NTRK3: variants seen among roughly 807,000 people sequenced by gnomAD.
The protein encoded by NTRK3 is neurotrophic receptor tyrosine kinase 3, also known as NT-3 growth factor receptor.
Under a neutral mutation model 91.7 loss-of-function variants are expected in NTRK3, and 24 were observed. That is an observed-to-expected ratio of 0.26 (90% CI 0.19 to 0.37). NTRK3 has a LOEUF of 0.37. NTRK3 is among the 10% of genes least tolerant of loss of function. The probability of loss-of-function intolerance (pLI) is 1.00; values close to 1 mark genes in which losing one functional copy is unlikely to be tolerated. For missense variants in NTRK3, 880 were observed against 1,068.9 expected (o/e 0.82, Z 2.46); for synonymous variants, 483 against 404.0 (o/e 1.20, Z -2.34).
At chr15:88,171,862 T>C (rs1034859494) in intron 5 of NTRK3, among the ~76,000 whole-genome samples, 1 of 152,266 alleles carries the variant, frequency 6.6e-6, no homozygotes, top group Non-Finnish European at 1.5e-5. Context: ...ATACAAATTT[T>C]ACATTGAGAA....
intron 13 of NTRK3, among the ~76,000 whole-genome samples, chr15:88,052,555 G>A (rs1260151297): frequency 6.6e-6 from 1 of 152,230 alleles, no homozygotes; most frequent in Non-Finnish European, 1.5e-5. Context: ...CCACATCCAA[G>A]AGTGGAGTCT....
intron 13 of NTRK3, among the ~76,000 whole-genome samples, chr15:88,100,445 G>T (rs1287458481): frequency 6.6e-6 from 1 of 152,170 alleles, no homozygotes; most frequent in East Asian, 1.9e-4. Flanking sequence ...TCCCAGTAGT[G>T]AGCTGGTAAA....
intron 3 of NTRK3, among the ~76,000 whole-genome samples, chr15:88,201,069 C>T (rs2048263604): frequency 1.3e-5 from 2 of 152,152 alleles, no homozygotes; most frequent in African/African-American, 2.4e-5. Flanking sequence ...CTGTCTACGC[C>T]GCATTATTAA....
intron 13 of NTRK3, among the ~76,000 whole-genome samples, chr15:88,051,121 T>C (rs1179347935): frequency 6.6e-6 from 1 of 152,192 alleles, no homozygotes; most frequent in Non-Finnish European, 1.5e-5. Context: ...TGAGTAAAAG[T>C]ACACGTCTGC....
At chr15:88,184,951 A>G (rs2151626442) in intron 3 of NTRK3, among the ~76,000 whole-genome samples, 1 of 152,346 alleles carries the variant, frequency 6.6e-6, no homozygotes, top group African/African-American at 2.4e-5. Flanking sequence ...TGTCATGGAA[A>G]GAATGGGAAC....
At chr15:88,104,549 C>T (rs1007344671) in intron 13 of NTRK3, among the ~76,000 whole-genome samples, 10 of 152,194 alleles carry the variant, frequency 6.6e-5, no homozygotes, top group Non-Finnish European at 1.2e-4. Flanking sequence ...TTGCCCTTGA[C>T]AGCCTCATGA....
intron 18 of NTRK3, among the ~76,000 whole-genome samples, chr15:87,879,873 G>C (rs539589965): frequency 6.6e-6 from 1 of 152,196 alleles, no homozygotes; most frequent in African/African-American, 2.4e-5. Flanking sequence ...CCCTGGGCTT[G>C]GCATACCTAA....
At chr15:88,070,119 A>G (rs2046977808) in intron 13 of NTRK3, among the ~76,000 whole-genome samples, 1 of 152,178 alleles carries the variant, frequency 6.6e-6, no homozygotes, top group Non-Finnish European at 1.5e-5. Flanking sequence ...GAGAAATATG[A>G]GACGTCCTCT....
intron 14 of NTRK3, among the ~76,000 whole-genome samples, chr15:87,972,649 G>A (rs902382148): frequency 6.6e-6 from 1 of 152,156 alleles, no homozygotes; most frequent in Non-Finnish European, 1.5e-5. Flanking sequence ...GAAGCTTTGA[G>A]AGGATCCTTT....
At chr15:88,196,313 T>C (rs905616716) in intron 3 of NTRK3, among the ~76,000 whole-genome samples, 7 of 152,066 alleles carry the variant, frequency 4.6e-5, no homozygotes, top group African/African-American at 1.7e-4. Context: ...AGATCACATT[T>C]GTGATGCCTG....
chr15:88,163,880 G>A (rs1299482140), intron 5 of NTRK3, among the ~76,000 whole-genome samples: 1 of 152,130 alleles, frequency 6.6e-6, no homozygotes, highest in Non-Finnish European at 1.5e-5. Flanking sequence ...GTTATTTACT[G>A]AGATCCTACT....
In NTRK3 at chr15:88,046,384, C is replaced by A. The variant is rs1295487885; in HGVS notation, c.1397-13339G>T. Among the ~76,000 whole-genome samples the A allele has an allele frequency of 2.6e-5, 4 of 152,128 alleles. No homozygotes were observed. In the South Asian group the frequency reaches 8.3e-4, roughly 32 times the overall value. On this transcript the variant is annotated intron_variant, in intron 13 of 18. Coordinates refer to ENST00000394480, the Ensembl canonical transcript of NTRK3. ...AGAAAAGGGGAGAAAAAAGACACAA[C>A]CTCAGCCTGAACAGGTCCCCAGGTC...
chr15:88,130,791 A>G (rs529993587), intron 10 of NTRK3, among the ~76,000 whole-genome samples: 2 of 152,372 alleles, frequency 1.3e-5, no homozygotes, highest in East Asian at 3.9e-4. Context: ...CAGGAACTCA[A>G]CGCAGTGTGT....
At chr15:88,016,534 A>G (rs1195387240) in intron 14 of NTRK3, among the ~76,000 whole-genome samples, 1 of 152,240 alleles carries the variant, frequency 6.6e-6, no homozygotes, top group Non-Finnish European at 1.5e-5. Context: ...AACTAAGCAG[A>G]ATGCTATGGC....
At chr15:88,217,208 T>C (rs1184810306) in intron 3 of NTRK3, among the ~76,000 whole-genome samples, 1 of 152,134 alleles carries the variant, frequency 6.6e-6, no homozygotes, top group African/African-American at 2.4e-5. Flanking sequence ...AGTTCCCCAG[T>C]TAAACAAAGA....
At chr15:88,194,422 C>T (rs1303147331) in intron 3 of NTRK3, among the ~76,000 whole-genome samples, 3 of 152,242 alleles carry the variant, frequency 2.0e-5, no homozygotes, top group Admixed American at 2.0e-4. Flanking sequence ...GATCCAATAC[C>T]AGCCCCTGCT....
rs74605280 is a variant in NTRK3, at chr15:88,098,165, T to A, written c.1396+28106A>T. 5.3e-3 allele frequency among the ~76,000 whole-genome samples: 806 copies of A among 152,272 alleles called. 6 individuals are homozygous for A. The highest frequency in any genetic ancestry group is 8.3e-3 in the Non-Finnish European group (564 of 68,026). ...AAAAGCACTGTTTATAAGCAGCAAG[T>A]GGACTTTGAGCACGGAAGAGCAACC... is the stretch of plus-strand genomic sequence containing the variant. On this transcript the variant is annotated intron_variant, in intron 13 of 18. Transcript: ENST00000394480.
exon 18 of NTRK3, chr15:87,880,347 C>T (rs2141467631): frequency 1.2e-6 from 2 of 1,614,166 alleles, no homozygotes; most frequent in African/African-American, 2.7e-5. Flanking sequence ...AAGCTCCATA[C>T]ATCACTCTCT....
exon 19 of NTRK3, chr15:87,864,962 T>C (rs1289552246): frequency 4.6e-6 from 1 of 215,622 alleles, no homozygotes; most frequent in Non-Finnish European, 9.4e-6. Context: ...GGGATGCTTT[T>C]TGTCTACTGA....
Sources: gnomAD v4.1 joint callset for allele counts (sites outside exome capture counted in the v4.1 genomes callset) on GRCh38, gnomAD v4.1.1 for gene constraint, MANE v1.5 for transcripts, NCBI Gene and HGNC (gene_info 2026-07-23, HGNC 2026-07-21) for gene names.